Variants in NUDT5 observed in about 807,000 individuals in gnomAD.
NUDT5 encodes nudix hydrolase 5, also known as ADP-sugar pyrophosphatase.
NUDT5 carries 21 observed loss-of-function variants against 34.1 expected under a neutral mutation model. That is an observed-to-expected ratio of 0.62 (90% CI 0.44 to 0.89). The LOEUF (loss-of-function observed/expected upper bound fraction) is 0.89. Among genes scored for constraint, NUDT5 ranks in the 40% least tolerant of loss-of-function variants. The pLI is 0.00. For synonymous variants in NUDT5, 85 were observed against 97.6 expected (o/e 0.87, Z 0.76); for missense variants, 249 against 274.8 (o/e 0.91, Z 0.66).
Position 12,183,432 on chromosome 10 carries a change from G to C in NUDT5, c.131+1457C>G, listed in dbSNP as rs1265839630. Among the ~76,000 whole-genome samples, 32 of 152,168 alleles carry C rather than the reference G, an allele frequency of 2.1e-4. 1 individual carries two copies. The highest frequency in any genetic ancestry group is 2.0e-3 in the Admixed American group (31 of 15,274). On this transcript the variant is annotated intron_variant, in intron 3 of 9. Coordinates refer to ENST00000491614, the MANE Select transcript of NUDT5 (RefSeq NM_014142.4). ...TTAGGCCTTATTAAGGGCTTTGCTAGTTTAGTAGATATAATCACAGTTGTT... is the reference window on the plus strand; with the variant it reads ...TTAGGCCTTATTAAGGGCTTTGCTACTTTAGTAGATATAATCACAGTTGTT...
rs1386104194 is a variant in NUDT5 at position 12,175,437 on chromosome 10, GGA to G, written c.290-1626_290-1625del. 6.6e-6 allele frequency among the ~76,000 whole-genome samples: 1 copy of G among 152,006 alleles called. No homozygotes were observed. The highest frequency in any genetic ancestry group is 1.5e-5 in the Non-Finnish European group (1 of 67,996). On this transcript the variant is annotated intron_variant, in intron 5 of 9. Transcript: ENST00000491614. The surrounding 1 kb of genome is among the most constrained non-coding windows in gnomAD (Gnocchi z 4.8). The stretch of plus-strand genomic sequence containing the variant: ...GAGGCAGGAGGATCACTTGAGGCCA[GGA>G]GTTTGGGGCCAGCCTGGGTGACAAA...
rs959671594 is a variant in NUDT5 at position 12,181,559 on chromosome 10, T to C, written c.132-2427A>G. On this transcript the variant is annotated intron_variant, in intron 3 of 9. Transcript: ENST00000491614. This position sits in a 1 kb window ranked among gnomAD's most constrained non-coding sequence, Gnocchi z 5.0. The stretch of plus-strand genomic sequence containing the variant: ...AGCCAAAGAACCCCACAATGAGTCA[T>C]GCACATAGGTCTCAGCCCTGTGTAG... 4.6e-5 allele frequency among the ~76,000 whole-genome samples: 7 copies of C among 152,172 alleles called. No individual in the cohort carries two copies. Among genetic ancestry groups the C allele is most frequent in the African/African-American group, 1.7e-4 (7 of 41,436 alleles).
intron 3 of NUDT5, among the ~76,000 whole-genome samples, chr10:12,180,963 A>G (rs1835032614): frequency 6.6e-6 from 1 of 152,148 alleles, no homozygotes; most frequent in African/African-American, 2.4e-5. Flanking sequence ...GAATATTTTT[A>G]TATTTCTAAA....
intron 3 of NUDT5, among the ~76,000 whole-genome samples, chr10:12,179,414 A>C (rs1835010273): frequency 6.6e-6 from 1 of 152,222 alleles, no homozygotes; most frequent in African/African-American, 2.4e-5. Flanking sequence ...GCTTTCTCAG[A>C]AAACTTTAGT....
Position 12,173,954 on chromosome 10 carries a change from C to T in NUDT5, c.290-141G>A. 1.5e-6 allele frequency: 1 copy of T among 651,374 alleles called. No individual in the cohort carries two copies. Among genetic ancestry groups the T allele is most frequent in the Admixed American group, 2.4e-5 (1 of 42,530 alleles). The allele number at this position is 651,374 out of a possible 1,614,324, so 40.3% of individuals were successfully genotyped here. On this transcript the variant is annotated intron_variant, in intron 5 of 9. Coordinates refer to ENST00000491614, the MANE Select transcript of NUDT5 (RefSeq NM_014142.4). The surrounding 1 kb of genome is among the most constrained non-coding windows in gnomAD (Gnocchi z 4.7). Reference sequence around the variant, plus strand: ...CGATCTCGGCCCACTGCAACCTCCGCCCGTCCAGGTTTAAGCAATTCTCTG... The same window carrying T: ...CGATCTCGGCCCACTGCAACCTCCGTCCGTCCAGGTTTAAGCAATTCTCTG...
At chr10:12,186,916 C>T (rs1356161443) in intron 1 of NUDT5, among the ~76,000 whole-genome samples, 3 of 150,550 alleles carry the variant, frequency 2.0e-5, no homozygotes, top group African/African-American at 4.9e-5. Flanking sequence ...CGTGAGCTAC[C>T]GCGCCCAGCC....
chr10:12,192,296 C>G (rs1835244498), intron 1 of NUDT5, among the ~76,000 whole-genome samples: 1 of 141,146 alleles, frequency 7.1e-6, no homozygotes. Flanking sequence ...GAGTGAGACT[C>G]TGTCTCCAAA....
rs755827711 is a variant in NUDT5 at position 12,173,673 on chromosome 10, A to G, written c.385+45T>C. 1.5e-6 allele frequency: 2 copies of G among 1,371,348 alleles called. No homozygotes were observed. The highest frequency in any genetic ancestry group is 1.7e-5 in the Admixed American group (1 of 59,680). 84.9% of individuals were successfully genotyped at this position (1,371,348 alleles called of 1,614,324 possible). A position where few individuals can be genotyped will look rare whatever the true frequency, so the allele number is the denominator to read the frequency against. On this transcript the variant is annotated intron_variant, in intron 6 of 9. Transcript: ENST00000491614. The surrounding 1 kb of genome is among the most constrained non-coding windows in gnomAD (Gnocchi z 4.7). ...ACACCCAAATAATCAATCCCTTCCC[A>G]GACGGAGGAATCCATCACTTGGTGA... is the stretch of plus-strand genomic sequence containing the variant.
rs1050677804 is a variant in NUDT5 at position 12,165,732 on chromosome 10, C to A, written c.*1970G>T. On this transcript the variant is annotated 3_prime_UTR_variant, in exon 10 of 10. Coordinates refer to ENST00000491614, the MANE Select transcript of NUDT5 (RefSeq NM_014142.4). The stretch of plus-strand genomic sequence containing the variant: ...CACCCTTTTCAGAAGTATGGGTTTT[C>A]ATTGCTGTTTAGTTTCTTAGGTGTG... 4 of 152,144 alleles carry A rather than the reference C, an allele frequency of 2.6e-5. No individual in the cohort carries two copies. The highest frequency in any genetic ancestry group is 9.7e-5 in the African/African-American group (4 of 41,430). The allele number at this position is 152,144 out of a possible 1,614,324, so 9.4% of individuals were successfully genotyped here.
At chr10:12,184,340 C>T (rs1298325693) in intron 3 of NUDT5, among the ~76,000 whole-genome samples, 2 of 151,870 alleles carry the variant, frequency 1.3e-5, no homozygotes, top group Admixed American at 6.6e-5. Flanking sequence ...GAATTACAGG[C>T]GTGAGCCAAC....
Position 12,169,343 on chromosome 10 carries a change from G to A in NUDT5, c.550+1374C>T, listed in dbSNP as rs376483075. 1.3e-4 allele frequency: 199 copies of A among 1,528,460 alleles called. No homozygotes were observed. In the African/African-American group the frequency reaches 2.4e-3, roughly 18 times the overall value. 94.7% of individuals were successfully genotyped at this position (1,528,460 alleles called of 1,614,324 possible). A position where few individuals can be genotyped will look rare whatever the true frequency, so the allele number is the denominator to read the frequency against. On this transcript the variant is annotated intron_variant, in intron 9 of 9. Coordinates refer to ENST00000491614, the MANE Select transcript of NUDT5 (RefSeq NM_014142.4). This position sits in a 1 kb window ranked among gnomAD's most constrained non-coding sequence, Gnocchi z 4.8. ...CTTCTACTAAAAGATAACCCCGCAC[G>A]GCATTTCACACTTGCCTACGTCACC...
chr10:12,191,677 A>G (rs533709093), intron 1 of NUDT5, among the ~76,000 whole-genome samples: 1 of 152,316 alleles, frequency 6.6e-6, no homozygotes, highest in Non-Finnish European at 1.5e-5. Context: ...GCTTGAGCTG[A>G]GGAATTCATG....
chr10:12,177,399 G>A lies in NUDT5; in HGVS notation c.289+394C>T, dbSNP rs4750182. On this transcript the variant is annotated intron_variant, in intron 5 of 9. Coordinates refer to ENST00000491614, the MANE Select transcript of NUDT5 (RefSeq NM_014142.4). ...CCGGGCGTGGTGGCGGGCGCCTGTAGTCCCAGCCACTCGGGAGGCTGAAGC... is the reference window on the plus strand; with the variant it reads ...CCGGGCGTGGTGGCGGGCGCCTGTAATCCCAGCCACTCGGGAGGCTGAAGC... 4.4e-3 allele frequency among the ~76,000 whole-genome samples: 652 copies of A among 148,678 alleles called. 17 individuals carry two copies. Among genetic ancestry groups the A allele is most frequent in the Admixed American group, 0.037 (546 of 14,942 alleles).
rs554785750 is a variant in NUDT5 at position 12,169,906 on chromosome 10, T to G, written c.550+811A>C. The G allele has an allele frequency of 1.7e-5, 8 of 481,168 alleles. No homozygotes were observed. Among genetic ancestry groups the G allele is most frequent in the African/African-American group, 1.6e-4 (8 of 51,398 alleles). 29.8% of individuals were successfully genotyped at this position (481,168 alleles called of 1,614,324 possible). A position where few individuals can be genotyped will look rare whatever the true frequency, so the allele number is the denominator to read the frequency against. On this transcript the variant is annotated intron_variant, in intron 9 of 9. Transcript: ENST00000491614. The surrounding 1 kb of genome is among the most constrained non-coding windows in gnomAD (Gnocchi z 4.8). Reference sequence around the variant, plus strand: ...TAATCACTTAAAAACAGTAGAAAAATCAGTTATCAATTACCTAAAACACTT... The same window carrying G: ...TAATCACTTAAAAACAGTAGAAAAAGCAGTTATCAATTACCTAAAACACTT...
chr10:12,167,499 T>C lies in NUDT5; in HGVS notation c.*203A>G. 1.7e-5 allele frequency: 9 copies of C among 523,296 alleles called. No homozygotes were observed. In the Admixed American group the frequency reaches 2.9e-4, roughly 17 times the overall value. The allele number at this position is 523,296 out of a possible 1,614,324, so 32.4% of individuals were successfully genotyped here. A position where few individuals can be genotyped will look rare whatever the true frequency, so the allele number is the denominator to read the frequency against. ...TACTTGCATTTATATTCTTTGTTAATTTTAGCTGGAGTTATAACAAATTTA... is the reference window on the plus strand; with the variant it reads ...TACTTGCATTTATATTCTTTGTTAACTTTAGCTGGAGTTATAACAAATTTA... On this transcript the variant is annotated 3_prime_UTR_variant, in exon 10 of 10. Coordinates refer to ENST00000491614, the MANE Select transcript of NUDT5 (RefSeq NM_014142.4).
chr10:12,186,267 A>T lies in NUDT5; in HGVS notation c.25T>A (p.Ser9Thr). 2 of 1,614,002 alleles carry T rather than the reference A, an allele frequency of 1.2e-6. No individual in the cohort carries two copies. Among genetic ancestry groups the T allele is most frequent in the Non-Finnish European group, 1.7e-6 (2 of 1,179,820 alleles). MESQEPTE[S>T]SQNGKQYIIS... ...ATATACTGTTTGCCATTCTGAGAAG[A>T]TTCCGTTGGTTCTTGGCTCTCCATT... Residue 9 changes from serine to threonine, a missense_variant, in exon 2 of 10, where the codon TCT becomes ACT. Coordinates refer to ENST00000491614, the MANE Select transcript of NUDT5 (RefSeq NM_014142.4).
intron 1 of NUDT5, among the ~76,000 whole-genome samples, chr10:12,188,718 A>C (rs1479678586): frequency 7.4e-6 from 1 of 134,958 alleles, no homozygotes; most frequent in Non-Finnish European, 1.6e-5. Flanking sequence ...CGACAGAGCA[A>C]GACTCCATCT....
rs1167145004 is a variant in NUDT5 at position 12,184,973 on chromosome 10, T to A, written c.64-17A>T. On this transcript the variant is annotated splice_polypyrimidine_tract_variant and intron_variant, in intron 2 of 9. Coordinates refer to ENST00000491614, the MANE Select transcript of NUDT5 (RefSeq NM_014142.4). ...TGAAATTAACTAAAAGGATATCAGATAATAAGTTGGGAAACTTTCAAACCA... is the reference window on the plus strand; with the variant it reads ...TGAAATTAACTAAAAGGATATCAGAAAATAAGTTGGGAAACTTTCAAACCA... The A allele has an allele frequency of 2.6e-5, 36 of 1,400,822 alleles. No homozygotes were observed. Among genetic ancestry groups the A allele is most frequent in the Non-Finnish European group, 3.2e-5 (32 of 998,122 alleles). The allele number at this position is 1,400,822 out of a possible 1,614,324, so 86.8% of individuals were successfully genotyped here.
Position 12,166,432 on chromosome 10 carries a change from C to T in NUDT5, c.*1270G>A, listed in dbSNP as rs1035776608. ...TTTTCACATGTATAGGGCTAGACAG[C>T]TTCATCTGTAAAGTTCTGTATTTCC... is the stretch of plus-strand genomic sequence containing the variant. On this transcript the variant is annotated 3_prime_UTR_variant, in exon 10 of 10. Coordinates refer to ENST00000491614, the MANE Select transcript of NUDT5 (RefSeq NM_014142.4). 2.3e-5 allele frequency: 5 copies of T among 221,002 alleles called. No individual in the cohort carries two copies. Among genetic ancestry groups the T allele is most frequent in the African/African-American group, 9.2e-5 (4 of 43,496 alleles). The allele number at this position is 221,002 out of a possible 1,614,324, so 13.7% of individuals were successfully genotyped here.
Sources: gnomAD v4.1 joint callset for allele counts (sites outside exome capture counted in the v4.1 genomes callset) on GRCh38, gnomAD v4.1.1 for gene constraint, Gnocchi (gnomAD v3.1) non-coding constraint, MANE v1.5 for transcripts, NCBI Gene and HGNC (gene_info 2026-07-23, HGNC 2026-07-21) for gene names.